Variants in OSBPL8 observed in about 807,000 individuals in gnomAD.
OSBPL8 encodes the protein oxysterol binding protein like 8, also known as oxysterol-binding protein-related protein 8.
In OSBPL8, 59 loss-of-function variants were observed where a neutral mutation model predicts 125.5. The ratio of observed to expected loss-of-function variants is 0.47; its 90% CI spans 0.38 to 0.58. The LOEUF (loss-of-function observed/expected upper bound fraction) is 0.58, where lower values mean the gene tolerates loss of function less well. Among genes scored for constraint, OSBPL8 ranks in the 20% least tolerant of loss-of-function variants. The pLI is 0.00. For synonymous variants in OSBPL8, 330 were observed against 338.9 expected (o/e 0.97, Z 0.29); for missense variants, 758 against 1,047.8 (o/e 0.72, Z 3.82).
In OSBPL8 at chr12:76,390,502, T is replaced by A. The variant is rs768329732; in HGVS notation, c.1085A>T (p.Asp362Val). The A allele has an allele frequency of 6.2e-7, 1 of 1,613,956 alleles. No homozygotes were observed. Among genetic ancestry groups the A allele is most frequent in the South Asian group, 1.1e-5 (1 of 91,078 alleles). Residue 362 changes from aspartate to valine, a missense_variant, in exon 11 of 24, where the codon GAT (aspartate) becomes GTT (valine). Asp to Val is a radical substitution (Grantham distance 152). Coordinates refer to ENST00000261183, the MANE Select transcript of OSBPL8 (RefSeq NM_020841.5). ...ESDTDTSERQ[D>V]DSYIEPEPVE... ...AGGCTCAGGTTCGATATATGAGTCA[T>A]CTTGTCTTTCTGATGTATCTGTGTC...
intron 4 of OSBPL8, among the ~76,000 whole-genome samples, chr12:76,446,976 C>T (rs954267428): frequency 3.3e-5 from 5 of 152,150 alleles, no homozygotes; most frequent in African/African-American, 1.2e-4. Context: ...CCCACACAGC[C>T]TACCTTTTCT....
At chr12:76,490,304 A>G (rs1318994795) in intron 1 of OSBPL8, among the ~76,000 whole-genome samples, 2 of 152,204 alleles carry the variant, frequency 1.3e-5, no homozygotes, top group Admixed American at 6.5e-5. Flanking sequence ...AGACCAAAAC[A>G]AGAACTTATA....
chr12:76,475,166 C>T (rs1411261773), intron 2 of OSBPL8, among the ~76,000 whole-genome samples: 5 of 152,094 alleles, frequency 3.3e-5, no homozygotes, highest in Non-Finnish European at 7.3e-5. Flanking sequence ...TCTTAACATA[C>T]ACCATTTTAA....
rs1211284431 is a variant in OSBPL8 at position 76,369,256 on chromosome 12, T to G, written c.2286A>C (p.Lys762Asn). ...DPLNDMIQFE[K>N]DGVIQTKVKH... ...TCACTTTGGTCTGAATAACACCATC[T>G]TTTTCAAACTGTATCATATCATTAA... is the stretch of plus-strand genomic sequence containing the variant. Residue 762 changes from lysine to asparagine, a missense_variant, in exon 21 of 24, where the codon AAA becomes AAC. Lys to Asn is a moderately conservative substitution (Grantham distance 94). Transcript: ENST00000261183. 6 of 1,612,882 alleles carry G rather than the reference T, an allele frequency of 3.7e-6. No individual in the cohort carries two copies. Among genetic ancestry groups the G allele is most frequent in the South Asian group, 2.2e-5 (2 of 90,910 alleles).
At chr12:76,541,715 C>G (rs1038308650) in intron 1 of OSBPL8, among the ~76,000 whole-genome samples, 6 of 151,368 alleles carry the variant, frequency 4.0e-5, no homozygotes, top group African/African-American at 1.5e-4. Flanking sequence ...ATTAGCCAGG[C>G]TTGGTGGTGG....
intron 8 of OSBPL8, 138 bp from the exon 9 acceptor site, chr12:76,394,867 C>T: frequency 1.8e-6 from 1 of 567,722 alleles, no homozygotes; most frequent in Non-Finnish European, 2.8e-6. Context: ...TTAATTTCAT[C>T]ATTCTTGAGA....
chr12:76,384,319 TA>T lies in OSBPL8; in HGVS notation c.1564del (p.Tyr522MetfsTer30). The T allele has an allele frequency of 6.4e-7, 1 of 1,565,504 alleles. No individual in the cohort carries two copies. The highest frequency in any genetic ancestry group is 8.7e-7 in the Non-Finnish European group (1 of 1,148,078). Reference sequence around the variant, plus strand: ...AAATCCATCTTTTCGATTACTAACATAAAAGGCAGATATTGGTGGATGATGG... The same window carrying T: ...AAATCCATCTTTTCGATTACTAACATAAAGGCAGATATTGGTGGATGATGG... ...VSHHPPISAF[Y>X]VSNRKDGFCL... On this transcript the variant is annotated frameshift_variant, in exon 15 of 24. Coordinates refer to ENST00000261183, the MANE Select transcript of OSBPL8 (RefSeq NM_020841.5). LOFTEE classifies it high-confidence loss of function.
At chr12:76,511,573 T>C (rs552359972) in intron 1 of OSBPL8, among the ~76,000 whole-genome samples, 17 of 152,274 alleles carry the variant, frequency 1.1e-4, no homozygotes, top group African/African-American at 3.9e-4. Context: ...TTTAATAGGG[T>C]TGTTTTTCTC....
chr12:76,456,732 T>C (rs1874096167), intron 3 of OSBPL8, among the ~76,000 whole-genome samples: 2 of 152,188 alleles, frequency 1.3e-5, no homozygotes, highest in Admixed American at 6.5e-5. Context: ...GTTGTATGTA[T>C]TACATATTGT....
At chr12:76,539,769 C>A (rs868141694) in intron 1 of OSBPL8, among the ~76,000 whole-genome samples, 1 of 152,190 alleles carries the variant, frequency 6.6e-6, no homozygotes, top group African/African-American at 2.4e-5. Flanking sequence ...TCCGGCTTTT[C>A]TAAGACACTT....
chr12:76,524,185 T>C (rs1157770859), intron 1 of OSBPL8, among the ~76,000 whole-genome samples: 14 of 152,104 alleles, frequency 9.2e-5, no homozygotes, highest in Non-Finnish European at 1.3e-4. Context: ...CTAAATAAGA[T>C]ATAGGAATAA....
chr12:76,454,522 TA>T (rs1277422402), intron 3 of OSBPL8, among the ~76,000 whole-genome samples: 2 of 151,582 alleles, frequency 1.3e-5, no homozygotes, highest in Non-Finnish European at 2.9e-5. Context: ...GACCTATCTC[TA>T]AAAGAAATAA....
chr12:76,467,199 A>G (rs965722011), intron 2 of OSBPL8, among the ~76,000 whole-genome samples: 3 of 151,584 alleles, frequency 2.0e-5, no homozygotes, highest in South Asian at 2.1e-4. Context: ...CTTCCCTTCT[A>G]TTTTCCTGCC....
intron 4 of OSBPL8, among the ~76,000 whole-genome samples, chr12:76,415,003 T>C (rs529309231): frequency 1.7e-4 from 26 of 152,314 alleles, no homozygotes; most frequent in African/African-American, 5.8e-4. Flanking sequence ...ATATTGCTAC[T>C]ACCATTAAGG....
chr12:76,417,427 A>G (rs1162633865), intron 4 of OSBPL8, among the ~76,000 whole-genome samples: 2 of 152,182 alleles, frequency 1.3e-5, no homozygotes, highest in Non-Finnish European at 2.9e-5. Flanking sequence ...GATCAGTTCA[A>G]TTATAGCCAT....
chr12:76,551,207 A>T (rs1338464501), intron 1 of OSBPL8, among the ~76,000 whole-genome samples: 1 of 152,220 alleles, frequency 6.6e-6, no homozygotes, highest in Non-Finnish European at 1.5e-5. Context: ...CCCAACCCCT[A>T]AAAGGGGAAA....
At chr12:76,527,288 T>C (rs889671541) in intron 1 of OSBPL8, among the ~76,000 whole-genome samples, 2 of 152,032 alleles carry the variant, frequency 1.3e-5, no homozygotes, top group African/African-American at 4.8e-5. Flanking sequence ...TTACAATAAC[T>C]ACAACCAATC....
intron 2 of OSBPL8, among the ~76,000 whole-genome samples, chr12:76,479,610 C>T (rs751673690): frequency 5.3e-5 from 8 of 152,104 alleles, no homozygotes; most frequent in Non-Finnish European, 1.2e-4. Flanking sequence ...ATTTATACAT[C>T]ATTATTGTCA....
At chr12:76,517,645 T>G (rs1470423454) in intron 1 of OSBPL8, among the ~76,000 whole-genome samples, 1 of 152,110 alleles carries the variant, frequency 6.6e-6, no homozygotes, top group Non-Finnish European at 1.5e-5. Flanking sequence ...GCTGGGTAAT[T>G]TATAAAGAAA....
Sources: gnomAD v4.1 joint callset for allele counts (sites outside exome capture counted in the v4.1 genomes callset) on GRCh38, gnomAD v4.1.1 for gene constraint, MANE v1.5 for transcripts, NCBI Gene and HGNC (gene_info 2026-07-23, HGNC 2026-07-21) for gene names.